Variants in MRTFA observed in about 807,000 individuals in gnomAD.
The protein encoded by MRTFA is myocardin-related transcription factor A.
MRTFA carries 20 observed loss-of-function variants against 83.5 expected under a neutral mutation model. That is an observed-to-expected ratio of 0.24 (90% CI 0.17 to 0.35). The LOEUF (loss-of-function observed/expected upper bound fraction) is 0.35. Ranked by LOEUF, MRTFA falls within the 10% of genes least tolerant of loss-of-function variation. MRTFA has a pLI of 1.00. For missense variants in MRTFA, 1,200 were observed against 1,224.7 expected (o/e 0.98, Z 0.30); for synonymous variants, 659 against 541.2 (o/e 1.22, Z -3.02).
At chr22:40,417,087 G>C in intron 13 of MRTFA, 41 bp from the exon 14 acceptor site, 1 of 1,546,134 alleles carries the variant, frequency 6.5e-7, no homozygotes, top group Non-Finnish European at 8.7e-7. Context: ...TAAAAATCTT[G>C]AATGGGGGCT....
intron 1 of MRTFA, among the ~76,000 whole-genome samples, chr22:40,606,630 A>G (rs906949904): frequency 1.2e-4 from 18 of 152,202 alleles, no homozygotes; most frequent in Admixed American, 8.5e-4. Context: ...AATAATAGGT[A>G]AGTTTTTGTT....
chr22:40,615,366 T>C (rs1298732705), intron 1 of MRTFA, among the ~76,000 whole-genome samples: 2 of 152,258 alleles, frequency 1.3e-5, no homozygotes, highest in East Asian at 1.9e-4. Flanking sequence ...CTGCATTGTC[T>C]TGATTACTCT....
rs140344647 is a variant in MRTFA at position 40,601,912 on chromosome 22, TATA to T, written c.-83-7180_-83-7178del. On this transcript the variant is annotated intron_variant, in intron 1 of 14. Transcript: ENST00000355630. Reference sequence around the variant, plus strand: ...AGTAAATGAGGAAGAATAACAAAAATATAATGAGTCCCTGGCATCTGTTACCAA... The same window carrying T: ...AGTAAATGAGGAAGAATAACAAAAATATGAGTCCCTGGCATCTGTTACCAA... 9.6e-3 allele frequency among the ~76,000 whole-genome samples: 1,468 copies of T among 152,264 alleles called. 21 individuals are homozygous for T. The highest frequency in any genetic ancestry group is 0.034 in the African/African-American group (1,426 of 41,562).
chr22:40,449,274 G>GAAA (rs35140973), intron 4 of MRTFA, among the ~76,000 whole-genome samples: 7 of 87,998 alleles, frequency 8.0e-5, no homozygotes, highest in East Asian at 3.3e-4. Flanking sequence ...CTCCAAACGA[G>GAAA]AAAAAAAAAA....
rs142430474 is a variant in MRTFA, at chr22:40,517,340, C to G, written c.241+34766G>C. On this transcript the variant is annotated intron_variant, in intron 3 of 14. Transcript: ENST00000355630. ...AGGAAGGGAAGGGGGACTAAAAAGT[C>G]AGGTAGGCTAAGTACTGGGAGAATG... is the stretch of plus-strand genomic sequence containing the variant. Among the ~76,000 whole-genome samples, 9 of 152,216 alleles carry G rather than the reference C, an allele frequency of 5.9e-5. No homozygotes were observed. In the East Asian group the frequency reaches 1.7e-3, roughly 29 times the overall value.
At chr22:40,414,717 G>A (rs1453786710) in intron 14 of MRTFA, among the ~76,000 whole-genome samples, 1 of 152,220 alleles carries the variant, frequency 6.6e-6, no homozygotes, top group Non-Finnish European at 1.5e-5. Context: ...TGGAGTTGGG[G>A]AGAATGGGGA....
chr22:40,532,839 T>C (rs2055105953), intron 3 of MRTFA, among the ~76,000 whole-genome samples: 1 of 152,180 alleles, frequency 6.6e-6, no homozygotes, highest in Admixed American at 6.5e-5. Context: ...TTTTAAGATA[T>C]GCTCTGAAAC....
chr22:40,486,478 C>T (rs2054176615), intron 3 of MRTFA, among the ~76,000 whole-genome samples: 1 of 152,176 alleles, frequency 6.6e-6, no homozygotes, highest in Non-Finnish European at 1.5e-5. Flanking sequence ...TCTTGAATAG[C>T]TTGCTTCTTT....
At chr22:40,475,883 G>A (rs1380797114) in intron 3 of MRTFA, among the ~76,000 whole-genome samples, 2 of 152,210 alleles carry the variant, frequency 1.3e-5, no homozygotes, top group South Asian at 2.1e-4. Flanking sequence ...GGTGGCTCAC[G>A]CCTGTATTCC....
At chr22:40,546,312 G>A (rs1164427307) in intron 3 of MRTFA, among the ~76,000 whole-genome samples, 1 of 152,188 alleles carries the variant, frequency 6.6e-6, no homozygotes, top group Non-Finnish European at 1.5e-5. Flanking sequence ...GCTGAATGCT[G>A]GAGAGTAACA....
chr22:40,607,319 A>G (rs2056329437), intron 1 of MRTFA, among the ~76,000 whole-genome samples: 1 of 152,146 alleles, frequency 6.6e-6, no homozygotes, highest in East Asian at 1.9e-4. Context: ...CCTGGCTAAC[A>G]CGGTGAAACC....
chr22:40,417,627 T>C, intron 12 of MRTFA, 134 bp from the exon 13 acceptor site: 1 of 593,124 alleles, frequency 1.7e-6, no homozygotes, highest in Non-Finnish European at 2.9e-6. Context: ...CACTGGCTTT[T>C]AGGGAGCTTT....
chr22:40,426,627 A>G (rs1347483926), intron 7 of MRTFA, among the ~76,000 whole-genome samples: 1 of 151,964 alleles, frequency 6.6e-6, no homozygotes, highest in African/African-American at 2.4e-5. Context: ...TCCCTCTTGT[A>G]CCTCTGTACC....
chr22:40,412,444 T>C (rs1335501944), intron 14 of MRTFA: 1 of 152,254 alleles, frequency 6.6e-6, no homozygotes, highest in Admixed American at 6.5e-5. Context: ...TACTTAAAAA[T>C]AGAATTACCA....
intron 3 of MRTFA, among the ~76,000 whole-genome samples, chr22:40,485,122 A>G (rs1233830477): frequency 6.6e-6 from 1 of 152,142 alleles, no homozygotes; most frequent in African/African-American, 2.4e-5. Context: ...TAATTCCTCC[A>G]TACCACATAC....
chr22:40,457,370 G>A (rs755661843), intron 4 of MRTFA, among the ~76,000 whole-genome samples: 20 of 147,880 alleles, frequency 1.4e-4, no homozygotes, highest in Admixed American at 6.2e-4. Context: ...ATTTTGTCAA[G>A]AAAGAAAGGA....
At chr22:40,613,210 A>G (rs577433376) in intron 1 of MRTFA, among the ~76,000 whole-genome samples, 1 of 152,170 alleles carries the variant, frequency 6.6e-6, no homozygotes, top group Non-Finnish European at 1.5e-5. Flanking sequence ...TCCATTGTTT[A>G]TTTATCCAAC....
At chr22:40,431,606 T>C in intron 5 of MRTFA, 126 bp from the exon 6 acceptor site, 1 of 863,554 alleles carries the variant, frequency 1.2e-6, no homozygotes, top group Non-Finnish European at 1.9e-6. Flanking sequence ...CAACCTTAAC[T>C]TGGTGACTGC....
At chr22:40,634,284 C>G (rs566962423) in intron 1 of MRTFA, among the ~76,000 whole-genome samples, 1 of 152,222 alleles carries the variant, frequency 6.6e-6, no homozygotes, top group Non-Finnish European at 1.5e-5. Flanking sequence ...GACAAGCTAT[C>G]ATTATGTTGC....
Sources: allele counts gnomAD v4.1 joint callset (sites outside exome capture counted in the v4.1 genomes callset), GRCh38; gene constraint gnomAD v4.1.1; transcripts MANE v1.5; gene names NCBI Gene and HGNC (gene_info 2026-07-23, HGNC 2026-07-21).